Variants in RORA observed in about 807,000 individuals in gnomAD.
RORA encodes the protein RAR related orphan receptor A, also known as nuclear receptor ROR-alpha.
RORA carries 7 observed loss-of-function variants against 69.5 expected under a neutral mutation model. That is an observed-to-expected ratio of 0.10 (90% CI 0.06 to 0.19). RORA has a LOEUF of 0.19. RORA is among the 10% of genes least tolerant of loss of function. The probability of loss-of-function intolerance (pLI) is 1.00; values close to 1 mark genes in which losing one functional copy is unlikely to be tolerated. For synonymous variants in RORA, 261 were observed against 240.8 expected (o/e 1.08, Z -0.78); for missense variants, 457 against 663.0 (o/e 0.69, Z 3.41).
At chr15:61,196,291 C>T (rs1941349205) in intron 1 of RORA, among the ~76,000 whole-genome samples, 1 of 152,244 alleles carries the variant, frequency 6.6e-6, no homozygotes, top group Admixed American at 6.5e-5. Flanking sequence ...TATCATCAAC[C>T]AGTAGCTTGC....
chr15:60,763,743 G>C (rs2071936014), intron 1 of RORA, among the ~76,000 whole-genome samples: 1 of 152,094 alleles, frequency 6.6e-6, no homozygotes, highest in South Asian at 2.1e-4. Context: ...GGAGCCCCTC[G>C]GGTTTCCGCT....
At chr15:61,089,217 T>C (rs1426199210) in intron 1 of RORA, among the ~76,000 whole-genome samples, 1 of 152,118 alleles carries the variant, frequency 6.6e-6, no homozygotes, top group African/African-American at 2.4e-5. Context: ...TTAGAGATAA[T>C]AAAAAGCTCC....
At chr15:60,581,600 A>G (rs2068197586) in intron 2 of RORA, among the ~76,000 whole-genome samples, 1 of 152,178 alleles carries the variant, frequency 6.6e-6, no homozygotes, top group Non-Finnish European at 1.5e-5. Context: ...ATATGGCTCT[A>G]ATTTCATTTA....
rs904128545 is a variant in RORA, at chr15:61,218,175, T to G, written c.166+10878A>C. On this transcript the variant is annotated intron_variant, in intron 1 of 10. Transcript: ENST00000335670. ...AGGGTAAATATTTTACATGAAATGTTTGTGTGTGTGTGTGTGTGTGTGTGT... is the reference window on the plus strand; with the variant it reads ...AGGGTAAATATTTTACATGAAATGTGTGTGTGTGTGTGTGTGTGTGTGTGT... Among the ~76,000 whole-genome samples the G allele has an allele frequency of 1.7e-3, 246 of 148,394 alleles. 2 individuals are homozygous for G. Among genetic ancestry groups the G allele is most frequent in the Non-Finnish European group, 8.2e-4 (55 of 66,798 alleles).
intron 1 of RORA, among the ~76,000 whole-genome samples, chr15:61,178,402 C>T (rs912773819): frequency 6.6e-6 from 1 of 152,108 alleles, no homozygotes; most frequent in African/African-American, 2.4e-5. Flanking sequence ...ATTTTTAAAA[C>T]ATTTTAAATA....
At chr15:60,851,757 T>G (rs1595766322) in intron 1 of RORA, among the ~76,000 whole-genome samples, 1 of 150,738 alleles carries the variant, frequency 6.6e-6, no homozygotes, top group Non-Finnish European at 1.5e-5. Context: ...AGTGAGTGGG[T>G]GGGTGAGAGA....
intron 2 of RORA, among the ~76,000 whole-genome samples, chr15:60,595,329 A>G (rs1567113861): frequency 6.6e-6 from 1 of 152,098 alleles, no homozygotes; most frequent in African/African-American, 2.4e-5. Context: ...CCTGGGCAAC[A>G]TGGTGAAACC....
intron 1 of RORA, among the ~76,000 whole-genome samples, chr15:61,022,990 G>A (rs1253647244): frequency 6.6e-6 from 1 of 151,940 alleles, no homozygotes; most frequent in Non-Finnish European, 1.5e-5. Flanking sequence ...TTCATGACCA[G>A]CCTGGCCAAC....
intron 1 of RORA, among the ~76,000 whole-genome samples, chr15:60,751,896 T>C (rs922974906): frequency 2.0e-5 from 3 of 152,192 alleles, no homozygotes; most frequent in Admixed American, 2.0e-4. Context: ...TGGGACTTTA[T>C]TTCTCACCCC....
chr15:60,803,419 C>T (rs542566811), intron 1 of RORA, among the ~76,000 whole-genome samples: 4 of 152,186 alleles, frequency 2.6e-5, no homozygotes, highest in Non-Finnish European at 4.4e-5. Context: ...ATGTTTGTGG[C>T]CCAAGGATGC....
intron 1 of RORA, among the ~76,000 whole-genome samples, chr15:60,995,722 A>G (rs1458557251): frequency 6.6e-6 from 1 of 152,212 alleles, no homozygotes; most frequent in Non-Finnish European, 1.5e-5. Context: ...GGGTTTCCCT[A>G]CAAGACAGTG....
chr15:61,206,927 C>T (rs985852693), intron 1 of RORA, among the ~76,000 whole-genome samples: 6 of 152,148 alleles, frequency 3.9e-5, no homozygotes, highest in African/African-American at 1.4e-4. Flanking sequence ...AGGATCACTT[C>T]CACCAGTGGG....
intron 1 of RORA, chr15:60,847,694 A>G (rs1426937440): frequency 1.3e-5 from 2 of 152,156 alleles, no homozygotes; most frequent in Non-Finnish European, 2.9e-5. Context: ...TGAATATAAA[A>G]TATCGTATTA....
At chr15:60,763,184 C>T (rs977143959) in intron 1 of RORA, among the ~76,000 whole-genome samples, 7 of 145,464 alleles carry the variant, frequency 4.8e-5, no homozygotes, top group African/African-American at 1.5e-4. Flanking sequence ...ACGTTCTCAG[C>T]GATGCTGCAA....
At chr15:60,803,256 G>T (rs1290885356) in intron 1 of RORA, among the ~76,000 whole-genome samples, 1 of 152,198 alleles carries the variant, frequency 6.6e-6, no homozygotes, top group Non-Finnish European at 1.5e-5. Flanking sequence ...CCTTTCACGT[G>T]CACATCCTGA....
At chr15:61,048,833 G>C (rs1414388373) in intron 1 of RORA, among the ~76,000 whole-genome samples, 1 of 152,114 alleles carries the variant, frequency 6.6e-6, no homozygotes, top group Non-Finnish European at 1.5e-5. Flanking sequence ...GGAGTTTCAT[G>C]GGAGTCAAGA....
At chr15:61,023,162 T>C (rs914648358) in intron 1 of RORA, among the ~76,000 whole-genome samples, 3 of 114,894 alleles carry the variant, frequency 2.6e-5, no homozygotes, top group Non-Finnish European at 4.9e-5. Context: ...CACTCCAGCC[T>C]GGGCAACAGA....
intron 5 of RORA, among the ~76,000 whole-genome samples, chr15:60,506,076 T>G (rs1183491462): frequency 6.6e-6 from 1 of 152,242 alleles, no homozygotes; most frequent in Non-Finnish European, 1.5e-5. Flanking sequence ...TAGGTATTTC[T>G]TTTGTTTTTC....
rs1468440826 is a variant in RORA at position 60,579,062 on chromosome 15, CG to C, written c.197-47212del. 2.4e-3 allele frequency among the ~76,000 whole-genome samples: 345 copies of C among 144,076 alleles called. No homozygotes were observed. In the Middle Eastern group the frequency reaches 0.032, roughly 13 times the overall value. The allele number at this position is 144,076 out of a possible 152,430, so 94.5% of individuals were successfully genotyped here. ...GATTACAGGTGTGAGCCACCGCGCC[CG>C]GTTTTTTTTTTTTTTTTTTTTTTAA... On this transcript the variant is annotated intron_variant, in intron 2 of 10. Transcript: ENST00000335670.
Sources: allele counts gnomAD v4.1 joint callset (sites outside exome capture counted in the v4.1 genomes callset), GRCh38; gene constraint gnomAD v4.1.1; transcripts MANE v1.5; gene names NCBI Gene and HGNC (gene_info 2026-07-23, HGNC 2026-07-21).